The following SIGLEC6 variants were observed in gnomAD, a reference collection of about 807,000 sequenced individuals.
SIGLEC6 encodes sialic acid-binding Ig-like lectin 6.
SIGLEC6 carries 31 observed loss-of-function variants against 41.4 expected under a neutral mutation model. The ratio of observed to expected loss-of-function variants is 0.75; its 90% confidence interval spans 0.56 to 1.01. The LOEUF is 1.01. Ranked by LOEUF, SIGLEC6 falls within the 50% of genes least tolerant of loss-of-function variation. SIGLEC6 has a pLI of 0.00. For synonymous variants in SIGLEC6, 217 were observed against 231.0 expected (o/e 0.94, Z 0.55); for missense variants, 555 against 558.6 (o/e 0.99, Z 0.06).
At position 51,529,855 on chromosome 19, in the gene SIGLEC6, T is replaced by C. The variant is rs769542868; in HGVS notation, c.881A>G (p.Asn294Ser). The C allele has an allele frequency of 6.2e-7, 1 of 1,613,998 alleles. No individual in the cohort carries two copies. The highest frequency in any genetic ancestry group is 1.1e-5 in the South Asian group (1 of 91,076). The stretch of plus-strand genomic sequence containing the variant: ...CCCGGTATTGGAGATGGGGGTGGCG[T>C]TCAGGGCGGGGAAGCCCTGGAACCA... ...LSWFQGFPAL[N>S]ATPISNTGVL... The change falls in exon 5 of 8, where the codon AAC becomes AGC. Residue 294 changes from asparagine (N) to serine (S), a missense_variant. Physicochemically the swap from Asn to Ser is conservative, Grantham distance 46. Transcript: ENST00000425629.
chr19:51,527,709 G>A, intron 7 of SIGLEC6, 38 bp downstream of exon 7: 1 of 1,577,008 alleles, frequency 6.3e-7, no homozygotes, highest in South Asian at 1.1e-5. Flanking sequence ...ATTCAAAAGG[G>A]ATAATGCTGA....
rs776836710 is a variant in SIGLEC6 at position 51,527,784 on chromosome 19, G to A, written c.1151C>T (p.Thr384Met). Residue 384 changes from threonine (T) to methionine (M), a missense_variant, in exon 7 of 8, where the codon ACG (threonine) becomes ATG (methionine). By Grantham distance (81) the Thr-to-Met change is moderately conservative. Transcript: ENST00000425629. ...RKKAAQPVQN[T>M]DDVNPVMVSG... ...GACCATGACGGGGTTCACATCATCC[G>A]TGTTTTGCACTGGCTGGGCTGCTTT... 24 of 1,613,930 alleles carry A rather than the reference G, an allele frequency of 1.5e-5. No individual in the cohort carries two copies. The highest frequency in any genetic ancestry group is 5.0e-5 in the Admixed American group (3 of 59,994).
chr19:51,531,540 G>A (rs763796352), intron 1 of SIGLEC6, 21 bp from the exon 2 acceptor site: 180 of 1,613,814 alleles, frequency 1.1e-4, no homozygotes, highest in Non-Finnish European at 1.5e-4. Flanking sequence ...ATGAGGGTCA[G>A]CTCGGCCCAG....
At chr19:51,526,076 G>C (rs1979177445) in intron 7 of SIGLEC6, among the ~76,000 whole-genome samples, 1 of 152,160 alleles carries the variant, frequency 6.6e-6, no homozygotes. Flanking sequence ...TCAACCCAGG[G>C]TAATTATTCC....
intron 7 of SIGLEC6, among the ~76,000 whole-genome samples, chr19:51,525,855 G>A (rs1979135420): frequency 6.6e-6 from 1 of 152,162 alleles, no homozygotes; most frequent in Non-Finnish European, 1.5e-5. Flanking sequence ...TCTCAGAGCA[G>A]CTGGCAGCCC....
chr19:51,531,502 G>T lies in SIGLEC6; in HGVS notation c.85C>A (p.Arg29=), dbSNP rs1314156300. The change falls in exon 2 of 8, where the codon CGG becomes AGG. Residue 29 remains arginine (R), a synonymous_variant. Coordinates refer to ENST00000425629, the MANE Select transcript of SIGLEC6 (RefSeq NM_001245.7). Reference sequence around the variant, plus strand: ...TCTGGCCCCTCCAGCTGGAATCTCCGCTCCTGAGCCAGGGCCCCTATGGAG... The same window carrying T: ...TCTGGCCCCTCCAGCTGGAATCTCCTCTCCTGAGCCAGGGCCCCTATGGAG... ...LLWAGALAQE[R]RFQLEGPESL... 39 of 1,613,706 alleles carry T rather than the reference G, an allele frequency of 2.4e-5. 1 individual carries two copies. Among genetic ancestry groups the T allele is most frequent in the Non-Finnish European group, 3.2e-5 (38 of 1,179,864 alleles).
At chr19:51,520,372 AT>A in intron 7 of SIGLEC6, 117 bp from the exon 8 acceptor site, 2 of 527,710 alleles carry the variant, frequency 3.8e-6, no homozygotes, top group Non-Finnish European at 6.0e-6. Context: ...TTCATTTATT[AT>A]TTTATTTTAT....
rs763479153 is a variant in SIGLEC6 at position 51,520,133 on chromosome 19, C to G, written c.1311G>C (p.Gln437His). The G allele has an allele frequency of 3.1e-6, 5 of 1,597,778 alleles. No individual in the cohort carries two copies. The South Asian group carries it at 4.5e-5, about 14-fold the overall frequency. ...ACTCAGTGTCGGTGACCTTTGGTTC[C>G]TGAGGTTGCACCTTGTGGAAGTGTA... ...AVLHFHKVQP[Q>H]EPKVTDTEYS... is the part of the protein sequence containing the mutation. Residue 437 changes from glutamine to histidine, a missense_variant, in exon 8 of 8, where the codon CAG (glutamine) becomes CAC (histidine). Physicochemically the swap from Gln to His is conservative, Grantham distance 24. Transcript: ENST00000425629.
At chr19:51,527,966 C>T (rs1212155894) in intron 6 of SIGLEC6, 138 bp from the exon 7 acceptor site, 5 of 962,390 alleles carry the variant, frequency 5.2e-6, no homozygotes, top group Non-Finnish European at 7.9e-6. Flanking sequence ...AAGAGTTGGA[C>T]CACGGTTTCA....
At position 51,523,142 on chromosome 19, in the gene SIGLEC6, G is replaced by GA. The variant is rs201151477; in HGVS notation, c.1189-2888dup. Among the ~76,000 whole-genome samples, 1,433 of 145,808 alleles carry GA rather than the reference G, an allele frequency of 9.8e-3. 13 individuals are homozygous for GA. Among genetic ancestry groups the GA allele is most frequent in the African/African-American group, 0.02 (806 of 39,786 alleles). ...GCGACAGAGTGAGATCCTGTCTCAG[G>GA]AAAAAAAAAATAAACTGAATTGAAT... On this transcript the variant is annotated intron_variant, in intron 7 of 7. Transcript: ENST00000425629.
intron 7 of SIGLEC6, among the ~76,000 whole-genome samples, chr19:51,524,651 A>C (rs2122352720): frequency 6.6e-6 from 1 of 152,262 alleles, no homozygotes; most frequent in East Asian, 1.9e-4. Flanking sequence ...CTGATTTTTC[A>C]TGTACTTATA....
intron 5 of SIGLEC6, chr19:51,528,533 T>C (rs1979626494): frequency 2.1e-6 from 1 of 482,786 alleles, no homozygotes; most frequent in Non-Finnish European, 3.8e-6. Context: ...GGTTGAATTA[T>C]GTCTCCCCAC....
intron 7 of SIGLEC6, among the ~76,000 whole-genome samples, chr19:51,523,407 T>C (rs911122442): frequency 2.6e-5 from 4 of 152,120 alleles, no homozygotes; most frequent in African/African-American, 7.2e-5. Flanking sequence ...TAAAGAATTA[T>C]GGAAAAAACA....
chr19:51,530,229 A>G (rs950938557), intron 4 of SIGLEC6, among the ~76,000 whole-genome samples: 1 of 152,186 alleles, frequency 6.6e-6, no homozygotes, highest in African/African-American at 2.4e-5. Flanking sequence ...CGCCTGAGGC[A>G]GTAGGAAAAC....
chr19:51,526,496 T>A (rs938837565), intron 7 of SIGLEC6, among the ~76,000 whole-genome samples: 2 of 152,198 alleles, frequency 1.3e-5, no homozygotes, highest in Admixed American at 1.3e-4. Context: ...ATAAAGATCG[T>A]GCACAAAGCG....
chr19:51,520,434 G>A (rs1990834471), intron 7 of SIGLEC6, among the ~76,000 whole-genome samples, 179 bp from the exon 8 acceptor site: 1 of 151,866 alleles, frequency 6.6e-6, no homozygotes, highest in Admixed American at 6.6e-5. Context: ...CTGTTGTCCA[G>A]GCTGGAGTGC....
chr19:51,527,194 A>G (rs4802807), intron 7 of SIGLEC6, among the ~76,000 whole-genome samples: 89,379 of 151,972 alleles, frequency 0.59, 26,541 homozygotes, highest in Admixed American at 0.66. Context: ...AATTCAGAGA[A>G]CCTTGGTAAG....
In SIGLEC6 at chr19:51,529,902, GC is replaced by G; in HGVS notation, c.833del (p.Gly278AlafsTer7). 1 of 1,614,006 alleles carries G rather than the reference GC, an allele frequency of 6.2e-7. No individual in the cohort carries two copies. The highest frequency in any genetic ancestry group is 8.5e-7 in the Non-Finnish European group (1 of 1,179,900). The part of the protein sequence containing the change: ...QALRLLCDAD[G>X]NPPAHLSWFQ... ...ACCAGCTCAGGTGTGCAGGGGGGTTGCCGTCAGCATCACAGAGCAGCCGCAG... is the reference window on the plus strand; with the variant it reads ...ACCAGCTCAGGTGTGCAGGGGGGTTGCGTCAGCATCACAGAGCAGCCGCAG... On this transcript the variant is annotated frameshift_variant, in exon 5 of 8. Coordinates refer to ENST00000425629, the MANE Select transcript of SIGLEC6 (RefSeq NM_001245.7). LOFTEE classifies it high-confidence loss of function.
At chr19:51,527,446 A>T (rs188400615) in intron 7 of SIGLEC6, among the ~76,000 whole-genome samples, 18 of 152,308 alleles carry the variant, frequency 1.2e-4, no homozygotes, top group Admixed American at 2.6e-4. Flanking sequence ...AATCAATGCC[A>T]TAAGAAAAGA....
Sources: allele counts gnomAD v4.1 joint callset (sites outside exome capture counted in the v4.1 genomes callset), GRCh38; gene constraint gnomAD v4.1.1; transcripts MANE v1.5; gene names NCBI Gene and HGNC (gene_info 2026-07-23, HGNC 2026-07-21).